Variants in ZNF541 observed in about 807,000 individuals in gnomAD.
The protein encoded by ZNF541 is zinc finger protein 541.
In ZNF541, 23 loss-of-function variants were observed where a neutral mutation model predicts 123.5. The ratio of observed to expected loss-of-function variants is 0.19; its 90% CI spans 0.13 to 0.26. The LOEUF (loss-of-function observed/expected upper bound fraction) is 0.26, where lower values mean the gene tolerates loss of function less well. ZNF541 is among the 10% of genes least tolerant of loss of function. The pLI is 1.00. For missense variants in ZNF541, 1,612 were observed against 1,789.9 expected (o/e 0.90, Z 1.79); for synonymous variants, 751 against 754.5 (o/e 1.00, Z 0.08).
chr19:47,557,707 C>T (rs1206738608), intron 2 of ZNF541, among the ~76,000 whole-genome samples: 1 of 152,048 alleles, frequency 6.6e-6, no homozygotes, highest in Non-Finnish European at 1.5e-5. Flanking sequence ...GGTGTGGTGG[C>T]GTCTATCTGT....
At chr19:47,544,027 C>CT in intron 5 of ZNF541, 99 bp downstream of exon 5, 1 of 1,363,464 alleles carries the variant, frequency 7.3e-7, no homozygotes, top group Non-Finnish European at 9.7e-7. Flanking sequence ...AAAATTGCAT[C>CT]TGGGGACTCT....
At chr19:47,536,471 T>C (rs1334963963) in intron 9 of ZNF541, among the ~76,000 whole-genome samples, 2 of 152,070 alleles carry the variant, frequency 1.3e-5, no homozygotes, top group African/African-American at 4.8e-5. Context: ...CTCCTGACCT[T>C]AGGTGATCCA....
intron 2 of ZNF541, among the ~76,000 whole-genome samples, chr19:47,561,080 T>C (rs555345098): frequency 1.3e-3 from 196 of 152,312 alleles, no homozygotes; most frequent in African/African-American, 4.5e-3. Flanking sequence ...AGCAGTTGTG[T>C]GGTTTGTGGG....
intron 3 of ZNF541, among the ~76,000 whole-genome samples, chr19:47,552,876 C>T (rs865787111): frequency 1.3e-5 from 2 of 150,658 alleles, no homozygotes; most frequent in Admixed American, 6.6e-5. Flanking sequence ...TTTGGGAGGC[C>T]GAGGAGGGTG....
intron 2 of ZNF541, among the ~76,000 whole-genome samples, chr19:47,569,250 GTAA>G (rs949382308): frequency 9.2e-5 from 14 of 151,438 alleles, no homozygotes; most frequent in African/African-American, 1.2e-4. Flanking sequence ...ATTCATCATT[GTAA>G]TAATAATAAT....
intron 2 of ZNF541, among the ~76,000 whole-genome samples, chr19:47,566,734 G>A (rs12459442): frequency 0.12 from 17,727 of 149,466 alleles, 1,175 homozygotes; most frequent in East Asian, 0.22. Context: ...GACAAAGCCA[G>A]ACTCCATCTC....
chr19:47,571,800 C>G (rs540872503), intron 2 of ZNF541, among the ~76,000 whole-genome samples, 96 bp downstream of exon 2: 1 of 152,122 alleles, frequency 6.6e-6, no homozygotes, highest in Admixed American at 6.6e-5. Flanking sequence ...ACCATTAGTA[C>G]GGACTTTGGT....
At position 47,559,072 on chromosome 19, in the gene ZNF541, G is replaced by A. The variant is rs979327764; in HGVS notation, c.-98-3118C>T. 3.3e-5 allele frequency among the ~76,000 whole-genome samples: 5 copies of A among 149,682 alleles called. No individual in the cohort carries two copies. The East Asian group carries it at 6.2e-4, about 19-fold the overall frequency. On this transcript the variant is annotated intron_variant, in intron 2 of 16. Coordinates refer to ENST00000391901, the MANE Select transcript of ZNF541 (RefSeq NM_001277075.3). ...AAACAGAATTTCTGAATAGACCTAT[G>A]AGAAATAAAAAGACTGGGCCAGGCA...
chr19:47,571,905 A>G lies in ZNF541; in HGVS notation c.-108T>C, dbSNP rs1971490653. ...AAGGAAGGAAACTCACCAGAAGAGC[A>G]AGTTAGTGAATCTCCAGGGAACAGG... is the stretch of plus-strand genomic sequence containing the variant. On this transcript the variant is annotated 5_prime_UTR_variant, in exon 2 of 17. Transcript: ENST00000391901. 6.6e-6 allele frequency among the ~76,000 whole-genome samples: 1 copy of G among 152,224 alleles called. No homozygotes were observed. The highest frequency in any genetic ancestry group is 2.4e-5 in the African/African-American group (1 of 41,462).
rs1413900824 is a variant in ZNF541, at chr19:47,573,107, G to T, written c.-270C>A. Among the ~76,000 whole-genome samples, 1 of 150,026 alleles carries T rather than the reference G, an allele frequency of 6.7e-6. No homozygotes were observed. The highest frequency in any genetic ancestry group is 2.4e-5 in the African/African-American group (1 of 41,198). On this transcript the variant is annotated 5_prime_UTR_variant, in exon 1 of 17. Coordinates refer to ENST00000391901, the MANE Select transcript of ZNF541 (RefSeq NM_001277075.3). ...CCCGCCCCCGGGGGCTCGCGCGCCG[G>T]GCCTCGCGCCTGGCGCCTCGCGGGG...
intron 3 of ZNF541, among the ~76,000 whole-genome samples, chr19:47,550,975 T>A (rs1023518696): frequency 3.3e-5 from 5 of 152,094 alleles, no homozygotes; most frequent in Non-Finnish European, 5.9e-5. Flanking sequence ...TAACTGTATG[T>A]TAGATGAAGG....
At position 47,521,777 on chromosome 19, in the gene ZNF541, G is replaced by T; in HGVS notation, c.3711+77C>A. The T allele has an allele frequency of 6.5e-7, 1 of 1,529,928 alleles. No individual in the cohort carries two copies. The highest frequency in any genetic ancestry group is 1.2e-5 in the South Asian group (1 of 81,290). The allele number at this position is 1,529,928 out of a possible 1,614,324, so 94.8% of individuals were successfully genotyped here. A position where few individuals can be genotyped will look rare whatever the true frequency, so the allele number is the denominator to read the frequency against. Reference sequence around the variant, plus strand: ...TCCATCAGGAGCACCCCCGCCCTCTGACCCCACCGTCCAACTCAACGGGTA... The same window carrying T: ...TCCATCAGGAGCACCCCCGCCCTCTTACCCCACCGTCCAACTCAACGGGTA... On this transcript the variant is annotated intron_variant, in intron 15 of 16. Transcript: ENST00000391901. The surrounding 1 kb of genome is among the most constrained non-coding windows in gnomAD (Gnocchi z 4.2).
chr19:47,553,405 A>C (rs530155102), intron 3 of ZNF541, among the ~76,000 whole-genome samples: 5 of 138,146 alleles, frequency 3.6e-5, no homozygotes, highest in African/African-American at 1.4e-4. Context: ...TGCCAGGCTA[A>C]TTCTTTTTTT....
chr19:47,529,140 G>A lies in ZNF541; in HGVS notation c.3482-102C>T, dbSNP rs1599949964. 4 of 842,106 alleles carry A rather than the reference G, an allele frequency of 4.8e-6. No individual in the cohort carries two copies. The East Asian group carries it at 1.1e-4, about 22-fold the overall frequency. The allele number at this position is 842,106 out of a possible 1,614,324, so 52.2% of individuals were successfully genotyped here. On this transcript the variant is annotated intron_variant, in intron 13 of 16. Coordinates refer to ENST00000391901, the MANE Select transcript of ZNF541 (RefSeq NM_001277075.3). ...TCCCATTTATAGCTGCCATTACTGA[G>A]TACCAATTATGTGCCAATCTCATAA... is the stretch of plus-strand genomic sequence containing the variant.
intron 5 of ZNF541, among the ~76,000 whole-genome samples, chr19:47,542,251 A>G (rs1970112728): frequency 6.6e-6 from 1 of 152,166 alleles, no homozygotes; most frequent in African/African-American, 2.4e-5. Flanking sequence ...GTGGGTGACA[A>G]CTAAGAAATG....
chr19:47,526,139 G>A (rs1330518351), intron 14 of ZNF541, among the ~76,000 whole-genome samples: 1 of 152,084 alleles, frequency 6.6e-6, no homozygotes, highest in Non-Finnish European at 1.5e-5. Flanking sequence ...CATGGATCTG[G>A]ATAAATGACG....
intron 2 of ZNF541, among the ~76,000 whole-genome samples, chr19:47,563,943 G>A (rs1390266765): frequency 6.6e-6 from 1 of 152,064 alleles, no homozygotes; most frequent in Non-Finnish European, 1.5e-5. Context: ...TCCACATCGG[G>A]TATCATACCA....
Position 47,563,293 on chromosome 19 carries a change from A to G in ZNF541, c.-98-7339T>C, listed in dbSNP as rs373887938. On this transcript the variant is annotated intron_variant, in intron 2 of 16. Transcript: ENST00000391901. ...AGTAACTTCCAGTGGGGTTCAAGGC[A>G]GTACCTGGTAACCAAATAATTATTT... is the stretch of plus-strand genomic sequence containing the variant. Among the ~76,000 whole-genome samples the G allele has an allele frequency of 5.4e-4, 82 of 152,344 alleles. 3 individuals carry two copies. The South Asian group carries it at 0.013, about 23-fold the overall frequency.
chr19:47,542,920 G>A (rs1970145052), intron 5 of ZNF541, among the ~76,000 whole-genome samples: 1 of 151,946 alleles, frequency 6.6e-6, no homozygotes, highest in Admixed American at 6.6e-5. Flanking sequence ...TTCCAGCCTG[G>A]GCGACAGAGT....
Sources: gnomAD v4.1 joint callset for allele counts (sites outside exome capture counted in the v4.1 genomes callset) on GRCh38, gnomAD v4.1.1 for gene constraint, Gnocchi (gnomAD v3.1) non-coding constraint, MANE v1.5 for transcripts, NCBI Gene and HGNC (gene_info 2026-07-23, HGNC 2026-07-21) for gene names.